Variants in TMEM217B observed in about 807,000 individuals in gnomAD.
TMEM217B encodes the protein transmembrane protein 217B, also known as putative transmembrane protein 217B.
chr6:37,221,019 T>C, the TMEM217B span, among the ~76,000 whole-genome samples: 1 of 152,264 alleles, frequency 6.6e-6, no homozygotes, highest in Non-Finnish European at 1.5e-5. Flanking sequence ...GTTAAGTATA[T>C]TCATTTTGTT....
the TMEM217B span, among the ~76,000 whole-genome samples, chr6:37,233,533 C>A: frequency 6.6e-6 from 1 of 152,198 alleles, no homozygotes; most frequent in Non-Finnish European, 1.5e-5. Context: ...TCCTCTTTTA[C>A]GAGGGCATTA....
At chr6:37,231,502 G>A in the TMEM217B span, among the ~76,000 whole-genome samples, 1 of 149,744 alleles carries the variant, frequency 6.7e-6, no homozygotes, top group Non-Finnish European at 1.5e-5. Flanking sequence ...GTGAAACCTC[G>A]TCTTCACTAA....
chr6:37,236,703 A>C, the TMEM217B span, among the ~76,000 whole-genome samples: 1 of 151,818 alleles, frequency 6.6e-6, no homozygotes, highest in Admixed American at 6.6e-5. Context: ...ATAACAAATT[A>C]CCCCAAAACT....
At chr6:37,218,441 T>C in the TMEM217B span, 36 of 1,608,608 alleles carry the variant, frequency 2.2e-5, no homozygotes, top group Non-Finnish European at 3.1e-5. Context: ...CCTCTCAAAG[T>C]ACTGGGATTC....
the TMEM217B span, among the ~76,000 whole-genome samples, chr6:37,215,463 G>A: frequency 6.6e-6 from 1 of 150,874 alleles, no homozygotes; most frequent in South Asian, 2.1e-4. Flanking sequence ...CTACCTGGGA[G>A]GCTGAGGCAG....
At chr6:37,214,942 C>T in the TMEM217B span, among the ~76,000 whole-genome samples, 1 of 152,150 alleles carries the variant, frequency 6.6e-6, no homozygotes, top group African/African-American at 2.4e-5. Context: ...CCAGAGCAGC[C>T]ACTACCCATG....
the TMEM217B span, among the ~76,000 whole-genome samples, chr6:37,227,935 A>T: frequency 6.6e-6 from 1 of 152,178 alleles, no homozygotes; most frequent in Non-Finnish European, 1.5e-5. Context: ...CTGAGATTTA[A>T]AAAGTCACAA....
chr6:37,229,348 T>TTTTTG, the TMEM217B span, among the ~76,000 whole-genome samples: 5 of 129,520 alleles, frequency 3.9e-5, 1 homozygote, highest in South Asian at 2.7e-4. Context: ...TTTTTTTTTT[T>TTTTTG]TTTTTTTTTT....
chr6:37,239,944 C>T, the TMEM217B span, among the ~76,000 whole-genome samples: 19 of 150,326 alleles, frequency 1.3e-4, no homozygotes, highest in Non-Finnish European at 2.2e-4. Flanking sequence ...GAGACTCAAA[C>T]AATAGTAGTT....
chr6:37,246,412 T>C, the TMEM217B span, among the ~76,000 whole-genome samples: 2 of 152,150 alleles, frequency 1.3e-5, no homozygotes, highest in Non-Finnish European at 2.9e-5. Flanking sequence ...TGGAAACATA[T>C]GATACTTCTT....
chr6:37,242,872 C>T, the TMEM217B span, among the ~76,000 whole-genome samples: 1 of 152,126 alleles, frequency 6.6e-6, no homozygotes, highest in Non-Finnish European at 1.5e-5. Flanking sequence ...CAGGAGTGTG[C>T]CAGTAAGCTC....
At chr6:37,246,443 C>T in the TMEM217B span, among the ~76,000 whole-genome samples, 6 of 152,150 alleles carry the variant, frequency 3.9e-5, no homozygotes, top group African/African-American at 1.4e-4. Flanking sequence ...GTTACTTTTG[C>T]TCACATTCCA....
the TMEM217B span, among the ~76,000 whole-genome samples, chr6:37,252,203 A>G: frequency 6.6e-6 from 1 of 152,154 alleles, no homozygotes; most frequent in Non-Finnish European, 1.5e-5. Context: ...TGGATTTTAC[A>G]TTTTTTAATT....
At chr6:37,239,757 T>C in the TMEM217B span, among the ~76,000 whole-genome samples, 74 of 151,892 alleles carry the variant, frequency 4.9e-4, 1 homozygote, top group Admixed American at 4.8e-3. Flanking sequence ...AAAATAACAA[T>C]GACAACGAAC....
the TMEM217B span, chr6:37,218,993 A>T: frequency 6.2e-7 from 1 of 1,614,176 alleles, no homozygotes; most frequent in African/African-American, 1.3e-5. Flanking sequence ...CACGGTGCCC[A>T]TTTTGGCAGT....
At chr6:37,244,368 T>A in the TMEM217B span, among the ~76,000 whole-genome samples, 2 of 152,234 alleles carry the variant, frequency 1.3e-5, no homozygotes, top group Non-Finnish European at 2.9e-5. Context: ...AACTGTAAAC[T>A]TCTTTCACAT....
chr6:37,241,314 GA>G, the TMEM217B span, among the ~76,000 whole-genome samples: 19 of 150,960 alleles, frequency 1.3e-4, no homozygotes, highest in African/African-American at 2.7e-4. Context: ...CTTTGTCAAA[GA>G]AAAAAAAGGT....
chr6:37,247,735 A>T, the TMEM217B span, among the ~76,000 whole-genome samples: 6 of 152,190 alleles, frequency 3.9e-5, no homozygotes, highest in Admixed American at 3.9e-4. Flanking sequence ...TCCTGTGAAA[A>T]AAACTCTGAG....
chr6:37,217,963 G>A, the TMEM217B span: 1 of 988,050 alleles, frequency 1.0e-6, no homozygotes, highest in Non-Finnish European at 1.2e-6. Flanking sequence ...CCCTCAATGA[G>A]CAGGATGTTC....
Sources: allele counts gnomAD v4.1 joint callset (sites outside exome capture counted in the v4.1 genomes callset), GRCh38; gene constraint gnomAD v4.1.1; transcripts MANE v1.5; gene names NCBI Gene and HGNC (gene_info 2026-07-23, HGNC 2026-07-21).